Variants in PDZD2 observed in about 807,000 individuals in gnomAD.
PDZD2 encodes PDZ domain containing 2.
Under a neutral mutation model 220.7 loss-of-function variants are expected in PDZD2, and 90 were observed. That is an observed-to-expected ratio of 0.41 (90% confidence interval 0.34 to 0.49). The LOEUF is 0.49. Ranked by LOEUF, PDZD2 falls within the 20% of genes least tolerant of loss-of-function variation. The pLI, the probability that PDZD2 is intolerant of heterozygous loss-of-function variation, is 0.28. For missense variants in PDZD2, 3,174 were observed against 3,608.5 expected, an observed-to-expected ratio of 0.88 and a Z score of 3.08; for synonymous variants, 1,375 against 1,450.5, an observed-to-expected ratio of 0.95 and a Z score of 1.18.
At chr5:31,811,042 G>A (rs2150243093) in intron 2 of PDZD2, among the ~76,000 whole-genome samples, 1 of 152,176 alleles carries the variant, frequency 6.6e-6, no homozygotes, top group Admixed American at 6.5e-5. Flanking sequence ...AGAGCACAAT[G>A]GCACGATCTT....
intron 2 of PDZD2, among the ~76,000 whole-genome samples, chr5:31,869,592 A>C (rs530496380): frequency 6.6e-6 from 1 of 152,148 alleles, no homozygotes; most frequent in South Asian, 2.1e-4. Flanking sequence ...AAGAAAAAAG[A>C]AATGTATTGA....
rs570610960 is a variant in PDZD2 at position 31,923,007 on chromosome 5, T to C, written c.477-60148T>C. Among the ~76,000 whole-genome samples the C allele has an allele frequency of 3.1e-3, 463 of 149,548 alleles. 1 individual carries two copies. Among genetic ancestry groups the C allele is most frequent in the African/African-American group, 0.011 (443 of 40,950 alleles). ...TTCACTAGCCCTTCAAAAATGCGCT[T>C]GCAGGCCGGGCGTGGTGGCTCATGC... On this transcript the variant is annotated intron_variant, in intron 2 of 24. Coordinates refer to ENST00000438447, the MANE Select transcript of PDZD2 (RefSeq NM_178140.4).
At position 31,935,641 on chromosome 5, in the gene PDZD2, TA is replaced by T. The variant is rs771469926; in HGVS notation, c.477-47505del. On this transcript the variant is annotated intron_variant, in intron 2 of 24. Transcript: ENST00000438447. ...TTTTTGTTTGCATTTGGATGCAATT[TA>T]AAAAAAAATCTGGCCCTTTAATAAG... Among the ~76,000 whole-genome samples, 99 of 151,962 alleles carry T rather than the reference TA, an allele frequency of 6.5e-4. 1 individual carries two copies. In the East Asian group the frequency reaches 0.015, roughly 22 times the overall value.
intron 4 of PDZD2, among the ~76,000 whole-genome samples, chr5:31,997,678 A>T (rs1751745886): frequency 6.6e-6 from 1 of 152,270 alleles, no homozygotes; most frequent in Non-Finnish European, 1.5e-5. Context: ...TTTCCATCTG[A>T]GCCATTTCTA....
In PDZD2 at chr5:32,110,175, T is replaced by TA. The variant is rs1745245855; in HGVS notation, c.*2042dup. The TA allele has an allele frequency of 1.3e-5, 2 of 152,496 alleles. No homozygotes were observed. Among genetic ancestry groups the TA allele is most frequent in the African/African-American group, 4.8e-5 (2 of 41,318 alleles). The allele number at this position is 152,496 out of a possible 1,614,324, so 9.4% of individuals were successfully genotyped here. A position where few individuals can be genotyped will look rare whatever the true frequency, so the allele number is the denominator to read the frequency against. On this transcript the variant is annotated 3_prime_UTR_variant, in exon 25 of 25. Transcript: ENST00000438447. ...CCTCCACTCTTACAGCTGTGCCTAATAATAATTAATTAATAAACGCACAGC... is the reference window on the plus strand; with the variant it reads ...CCTCCACTCTTACAGCTGTGCCTAATAAATAATTAATTAATAAACGCACAGC...
intron 2 of PDZD2, among the ~76,000 whole-genome samples, chr5:31,872,604 G>T (rs1477242513): frequency 6.6e-6 from 1 of 152,156 alleles, no homozygotes. Context: ...CCCAAGGCAG[G>T]CTTTTCTGCC....
intron 1 of PDZD2, among the ~76,000 whole-genome samples, chr5:31,659,853 A>G (rs1364588151): frequency 2.0e-5 from 3 of 152,200 alleles, no homozygotes; most frequent in Non-Finnish European, 2.9e-5. Context: ...CGATGTTACA[A>G]GATTGAGCTG....
chr5:31,949,444 A>T (rs557027842), intron 2 of PDZD2, among the ~76,000 whole-genome samples: 2 of 152,204 alleles, frequency 1.3e-5, no homozygotes, highest in Non-Finnish European at 2.9e-5. Flanking sequence ...GAAAGCTCAC[A>T]GATACCAAAT....
intron 2 of PDZD2, among the ~76,000 whole-genome samples, chr5:31,979,589 A>C (rs940744797): frequency 2.0e-5 from 3 of 152,124 alleles, no homozygotes; most frequent in African/African-American, 7.2e-5. Flanking sequence ...CAAAAAAAAA[A>C]AAAAAAAATC....
intron 2 of PDZD2, among the ~76,000 whole-genome samples, chr5:31,874,163 T>C (rs1159853810): frequency 6.6e-6 from 1 of 152,212 alleles, no homozygotes; most frequent in African/African-American, 2.4e-5. Context: ...CTTCAGCTAA[T>C]TGGATGAAGC....
chr5:31,997,004 T>C (rs758215570), intron 4 of PDZD2, among the ~76,000 whole-genome samples: 5 of 152,250 alleles, frequency 3.3e-5, no homozygotes, highest in African/African-American at 4.8e-5. Context: ...GATGTAGCTG[T>C]CCCAAAATGT....
intron 5 of PDZD2, among the ~76,000 whole-genome samples, chr5:32,009,706 G>A (rs1478673594): frequency 6.6e-6 from 1 of 151,964 alleles, no homozygotes; most frequent in Non-Finnish European, 1.5e-5. Flanking sequence ...CACTCAGCCT[G>A]GGTGACAGAA....
chr5:31,795,738 C>G (rs1019402430), intron 1 of PDZD2, among the ~76,000 whole-genome samples: 2 of 152,158 alleles, frequency 1.3e-5, no homozygotes, highest in Non-Finnish European at 1.5e-5. Context: ...TCTTTTCTTA[C>G]GCCCTGAATC....
chr5:32,016,370 T>G (rs1753780975), intron 6 of PDZD2, among the ~76,000 whole-genome samples: 1 of 152,208 alleles, frequency 6.6e-6, no homozygotes, highest in Admixed American at 6.5e-5. Flanking sequence ...AACTCTCTCT[T>G]GTTTCGGGGT....
intron 1 of PDZD2, among the ~76,000 whole-genome samples, chr5:31,683,221 A>AG (rs979419164): frequency 7.3e-5 from 11 of 150,688 alleles, no homozygotes; most frequent in African/African-American, 2.0e-4. Context: ...AAAAAAAAAA[A>AG]AAAAGAAAGA....
At chr5:31,939,432 C>T (rs2150400940) in intron 2 of PDZD2, among the ~76,000 whole-genome samples, 1 of 152,270 alleles carries the variant, frequency 6.6e-6, no homozygotes, top group East Asian at 1.9e-4. Context: ...ATTAGGCTTG[C>T]CCAAGAGGGA....
chr5:31,854,877 G>A, intron 2 of PDZD2: 2 of 643,280 alleles, frequency 3.1e-6, no homozygotes, highest in Non-Finnish European at 3.9e-6. Context: ...TGCATTACAG[G>A]CTTTTCCTAA....
In PDZD2 at chr5:32,069,156, C is replaced by T. The variant is rs1354740058; in HGVS notation, c.2452-413C>T. On this transcript the variant is annotated intron_variant, in intron 14 of 24. Coordinates refer to ENST00000438447, the MANE Select transcript of PDZD2 (RefSeq NM_178140.4). Reference sequence around the variant, plus strand: ...TGGTGCGCGCCTATAGTCCCAGCTACTTGGGAGGCTGAGGCAGGAGAATCA... The same window carrying T: ...TGGTGCGCGCCTATAGTCCCAGCTATTTGGGAGGCTGAGGCAGGAGAATCA... Among the ~76,000 whole-genome samples the T allele has an allele frequency of 3.3e-5, 5 of 150,768 alleles. 1 individual carries two copies.
intron 2 of PDZD2, among the ~76,000 whole-genome samples, chr5:31,915,485 C>T (rs1215531765): frequency 6.6e-6 from 1 of 152,206 alleles, no homozygotes; most frequent in Non-Finnish European, 1.5e-5. Context: ...CCAGACATTT[C>T]AGCCTAGAAG....
Sources: gnomAD v4.1 joint callset for allele counts (sites outside exome capture counted in the v4.1 genomes callset) on GRCh38, gnomAD v4.1.1 for gene constraint, MANE v1.5 for transcripts, NCBI Gene and HGNC (gene_info 2026-07-23, HGNC 2026-07-21) for gene names.